Variants in CXADR observed in about 807,000 individuals in gnomAD.
The protein encoded by CXADR is coxsackievirus and adenovirus receptor.
CXADR carries 20 observed loss-of-function variants against 40.3 expected under a neutral mutation model. The observed-to-expected ratio is 0.50, with a 90% CI of 0.35 to 0.72. CXADR has a LOEUF of 0.72. Among genes scored for constraint, CXADR ranks in the 30% least tolerant of loss-of-function variants. The pLI, the probability that CXADR is intolerant of heterozygous loss-of-function variation, is 0.01. For synonymous variants in CXADR, 150 were observed against 161.3 expected (o/e 0.93, Z 0.53); for missense variants, 332 against 449.1 (o/e 0.74, Z 2.36).
chr21:17,588,850 A>G (rs1219653333), intron 7 of CXADR, among the ~76,000 whole-genome samples: 1 of 152,072 alleles, frequency 6.6e-6, no homozygotes, highest in African/African-American at 2.4e-5. Context: ...GGGATTTTAA[A>G]ATTATGATTT....
chr21:17,636,220 A>G, the CXADR span, among the ~76,000 whole-genome samples: 3 of 152,210 alleles, frequency 2.0e-5, no homozygotes, highest in East Asian at 3.8e-4. Flanking sequence ...AGATGACAAT[A>G]TCGTCTGTGA....
the CXADR span, among the ~76,000 whole-genome samples, chr21:17,622,114 A>G: frequency 6.6e-6 from 1 of 152,200 alleles, no homozygotes; most frequent in Non-Finnish European, 1.5e-5. Context: ...CCTTTAATAC[A>G]GGCAACATCA....
At chr21:17,636,052 C>T in the CXADR span, among the ~76,000 whole-genome samples, 1 of 152,126 alleles carries the variant, frequency 6.6e-6, no homozygotes, top group Non-Finnish European at 1.5e-5. Flanking sequence ...AGTTTTGATG[C>T]CACTGTACAT....
intron 7 of CXADR, among the ~76,000 whole-genome samples, chr21:17,587,297 C>A (rs2061404455): frequency 6.6e-6 from 1 of 152,076 alleles, no homozygotes; most frequent in Non-Finnish European, 1.5e-5. Flanking sequence ...AGTTCTAGAT[C>A]CCTGAGGAAT....
rs566338034 is a variant in CXADR, at chr21:17,560,891, T to A, written c.694+67T>A. On this transcript the variant is annotated intron_variant, in intron 5 of 6. Transcript: ENST00000284878. The stretch of plus-strand genomic sequence containing the variant: ...CTTTATACCACCTCCTTTAGTTCAG[T>A]CAGCAAGTGTGTATTAAGGACAAAG... The A allele has an allele frequency of 2.3e-4, 372 of 1,588,932 alleles. 1 individual carries two copies. Among genetic ancestry groups the A allele is most frequent in the South Asian group, 2.3e-3 (199 of 86,718 alleles).
At chr21:17,622,782 G>A in the CXADR span, among the ~76,000 whole-genome samples, 26 of 152,226 alleles carry the variant, frequency 1.7e-4, no homozygotes, top group East Asian at 4.8e-3. Context: ...GCTGAAGAAC[G>A]AATAGGAGAG....
chr21:17,587,113 C>T (rs934448289), intron 7 of CXADR, among the ~76,000 whole-genome samples: 2 of 152,144 alleles, frequency 1.3e-5, no homozygotes, highest in Non-Finnish European at 2.9e-5. Flanking sequence ...GTATATGTGC[C>T]ACATTTTCTT....
chr21:17,550,714 A>G (rs1238206692), intron 2 of CXADR, among the ~76,000 whole-genome samples: 5 of 152,232 alleles, frequency 3.3e-5, no homozygotes, highest in Non-Finnish European at 5.9e-5. Context: ...TGACTACTAC[A>G]GTTCTCTTCC....
chr21:17,518,271 A>C (rs983741330), intron 1 of CXADR, among the ~76,000 whole-genome samples: 3 of 152,246 alleles, frequency 2.0e-5, no homozygotes, highest in African/African-American at 4.8e-5. Context: ...CAAACCAAAA[A>C]CAAAAAAACC....
chr21:17,551,838 T>C lies in CXADR; in HGVS notation c.300T>C (p.Ser100=). 1 of 1,613,946 alleles carries C rather than the reference T, an allele frequency of 6.2e-7. No homozygotes were observed. The highest frequency in any genetic ancestry group is 8.5e-7 in the Non-Finnish European group (1 of 1,179,846). The change falls in exon 3 of 7, where the codon TCT becomes TCC. Residue 100 remains serine (S), a synonymous_variant. Coordinates refer to ENST00000284878, the MANE Select transcript of CXADR (RefSeq NM_001338.5). ...ATTTTACGAGTAATGATCTCAAATC[T>C]GGTGATGCATCAATAAATGTAACGA... ...RVHFTSNDLK[S]GDASINVTNL...
chr21:17,583,097 A>C (rs980916815), intron 7 of CXADR, among the ~76,000 whole-genome samples: 2 of 152,200 alleles, frequency 1.3e-5, no homozygotes, highest in Non-Finnish European at 2.9e-5. Flanking sequence ...TCTGACAAGG[A>C]GGGGACATTT....
intron 1 of CXADR, among the ~76,000 whole-genome samples, chr21:17,529,317 C>A (rs1215614519): frequency 1.3e-5 from 2 of 151,756 alleles, no homozygotes; most frequent in Non-Finnish European, 2.9e-5. Context: ...AGGCTTGAGC[C>A]ACTGCACCTG....
At chr21:17,530,231 C>G (rs937700623) in intron 1 of CXADR, among the ~76,000 whole-genome samples, 6 of 150,320 alleles carry the variant, frequency 4.0e-5, no homozygotes, top group African/African-American at 1.5e-4. Flanking sequence ...TCCCAAAGTG[C>G]TGGGATTACA....
Position 17,569,847 on chromosome 21 carries a change from T to G in CXADR, c.*4155T>G, listed in dbSNP as rs939628866. ...TTTTAAGAGAACCACAATTCATTGA[T>G]TCACTTATTCTTTTCCCTAATTGTG... On this transcript the variant is annotated 3_prime_UTR_variant, in exon 7 of 7. Coordinates refer to ENST00000284878, the MANE Select transcript of CXADR (RefSeq NM_001338.5). The G allele has an allele frequency of 1.6e-5, 16 of 984,940 alleles. No homozygotes were observed. The highest frequency in any genetic ancestry group is 1.9e-5 in the Non-Finnish European group (16 of 829,464). 61.0% of individuals were successfully genotyped at this position (984,940 alleles called of 1,614,324 possible). A position where few individuals can be genotyped will look rare whatever the true frequency, so the allele number is the denominator to read the frequency against.
chr21:17,577,061 T>C (rs1366730689), intron 7 of CXADR, among the ~76,000 whole-genome samples: 1 of 152,150 alleles, frequency 6.6e-6, no homozygotes, highest in Non-Finnish European at 1.5e-5. Context: ...CTATAATGTG[T>C]GACATCATTT....
the CXADR span, among the ~76,000 whole-genome samples, chr21:17,624,146 C>G: frequency 7.7e-4 from 117 of 152,284 alleles, no homozygotes; most frequent in African/African-American, 2.7e-3. Context: ...TAGCTGACCC[C>G]TCATTTCCTT....
rs1422589330 is a variant in CXADR at position 17,566,109 on chromosome 21, T to G, written c.*417T>G. The G allele has an allele frequency of 1.0e-6, 1 of 984,278 alleles. No individual in the cohort carries two copies. The highest frequency in any genetic ancestry group is 1.1e-4 in the East Asian group (1 of 8,852). The allele number at this position is 984,278 out of a possible 1,614,324, so 61.0% of individuals were successfully genotyped here. A position where few individuals can be genotyped will look rare whatever the true frequency, so the allele number is the denominator to read the frequency against. ...TTTTTAGGATGTGTATTTCATTTATTTATGGCCCACCAGTCTCCCCCAAAT... is the reference window on the plus strand; with the variant it reads ...TTTTTAGGATGTGTATTTCATTTATGTATGGCCCACCAGTCTCCCCCAAAT... On this transcript the variant is annotated 3_prime_UTR_variant, in exon 7 of 7. Transcript: ENST00000284878.
At chr21:17,534,095 T>C (rs1569091856) in intron 1 of CXADR, among the ~76,000 whole-genome samples, 1 of 96,226 alleles carries the variant, frequency 1.0e-5, no homozygotes, top group African/African-American at 4.6e-5. Context: ...TATATATATA[T>C]ATATATTTTT....
chr21:17,531,779 CTT>C (rs10548025), intron 1 of CXADR, among the ~76,000 whole-genome samples: 8,766 of 152,162 alleles, frequency 0.058, 815 homozygotes, highest in African/African-American at 0.19. Context: ...CCTTCAATCT[CTT>C]TTTGGTTTTT....
Sources: gnomAD v4.1 joint callset for allele counts (sites outside exome capture counted in the v4.1 genomes callset) on GRCh38, gnomAD v4.1.1 for gene constraint, MANE v1.5 for transcripts, NCBI Gene and HGNC (gene_info 2026-07-23, HGNC 2026-07-21) for gene names.